PRKCG: variants seen among roughly 807,000 people sequenced by gnomAD.
The protein encoded by PRKCG is protein kinase C gamma, also known as protein kinase C gamma type.
In PRKCG, 28 loss-of-function variants were observed where a neutral mutation model predicts 82.0. The observed-to-expected ratio is 0.34, with a 90% confidence interval of 0.25 to 0.47. PRKCG has a LOEUF of 0.47. Ranked by LOEUF, PRKCG falls within the 20% of genes least tolerant of loss-of-function variation. PRKCG has a pLI of 1.00. For synonymous variants in PRKCG, 383 were observed against 376.6 expected (o/e 1.02, Z -0.20); for missense variants, 640 against 952.7 (o/e 0.67, Z 4.32).
chr19:53,887,497 CAAAAAAAAAAAAAAAAAAAAAAAA>C (rs71189894), intron 3 of PRKCG, among the ~76,000 whole-genome samples: 6 of 14,676 alleles, frequency 4.1e-4, no homozygotes, highest in Non-Finnish European at 8.2e-4. Flanking sequence ...AACTCTGTCT[CAAAAAAAAAAAAAAAAAAAAAAAA>C]AAAAAAAAAA....
chr19:53,894,819 A>C (rs1361910604), intron 9 of PRKCG, among the ~76,000 whole-genome samples: 2 of 152,212 alleles, frequency 1.3e-5, no homozygotes, highest in Non-Finnish European at 2.9e-5. Context: ...GAATCAGGCC[A>C]TTCCCTGGTG....
In PRKCG at chr19:53,900,778, G is replaced by A. The variant is rs750028733; in HGVS notation, c.1575+29G>A. 7 of 1,613,896 alleles carry A rather than the reference G, an allele frequency of 4.3e-6. No individual in the cohort carries two copies. Among genetic ancestry groups the A allele is most frequent in the East Asian group, 2.2e-5 (1 of 44,882 alleles). Reference sequence around the variant, plus strand: ...ACCCCAACCCTGCTGCTCTGGTCACGCTTTGAGATCCCTTAGAGGGTGTAG... The same window carrying A: ...ACCCCAACCCTGCTGCTCTGGTCACACTTTGAGATCCCTTAGAGGGTGTAG... On this transcript the variant is annotated intron_variant, in intron 14 of 17. Transcript: ENST00000263431. This position sits in a 1 kb window ranked among gnomAD's most constrained non-coding sequence, Gnocchi z 4.2.
At chr19:53,898,790 G>GGGTCCTTGGGGGGC (rs1555807844) in intron 11 of PRKCG, among the ~76,000 whole-genome samples, 162 bp downstream of exon 11, 2 of 116,714 alleles carry the variant, frequency 1.7e-5, no homozygotes, top group African/African-American at 3.7e-5. Flanking sequence ...GCCGGGGGGG[G>GGGTCCTTGGGGGGC]GTCCTTGGGG....
rs2068662328 is a variant in PRKCG at position 53,890,087 on chromosome 19, T to G, written c.529+70T>G. ...TGAGGCGGGGCTGACCCAAGGCACTTGTGCTGGCCCAGCCCTACCCCAAAG... is the reference window on the plus strand; with the variant it reads ...TGAGGCGGGGCTGACCCAAGGCACTGGTGCTGGCCCAGCCCTACCCCAAAG... On this transcript the variant is annotated intron_variant, in intron 5 of 17. Transcript: ENST00000263431. 21 of 1,495,168 alleles carry G rather than the reference T, an allele frequency of 1.4e-5. No homozygotes were observed. The South Asian group carries it at 2.4e-4, about 17-fold the overall frequency. The allele number at this position is 1,495,168 out of a possible 1,614,324, so 92.6% of individuals were successfully genotyped here. A position where few individuals can be genotyped will look rare whatever the true frequency, so the allele number is the denominator to read the frequency against.
rs769076186 is a variant in PRKCG at position 53,897,973 on chromosome 19, C to T, written c.954C>T (p.Gly318=). The stretch of plus-strand genomic sequence containing the variant: ...CCTTTCCACAGCGGGTGCGGATGGG[C>T]CCCTCTTCCTCTCCCATCCCCTCCC... The part of the protein sequence containing the change: ...PLELYERVRM[G]PSSSPIPSPS... Residue 318 remains glycine (G), a synonymous_variant, in exon 10 of 18, where the codon GGC becomes GGT. Transcript: ENST00000263431. 1 of 1,614,126 alleles carries T rather than the reference C, an allele frequency of 6.2e-7. No individual in the cohort carries two copies. The highest frequency in any genetic ancestry group is 1.1e-5 in the South Asian group (1 of 91,076).
chr19:53,890,272 T>C (rs1273622450), intron 5 of PRKCG, among the ~76,000 whole-genome samples: 2 of 152,272 alleles, frequency 1.3e-5, no homozygotes, highest in East Asian at 1.9e-4. Context: ...CTTTTTTTTT[T>C]TGGGACGGAG....
chr19:53,902,259 C>CA (rs2068769409), intron 14 of PRKCG, among the ~76,000 whole-genome samples: 2 of 152,014 alleles, frequency 1.3e-5, no homozygotes, highest in Admixed American at 6.6e-5. Flanking sequence ...ACTAAAAATA[C>CA]AAAAATTAGC....
chr19:53,893,930 T>A (rs1378685253), intron 9 of PRKCG, among the ~76,000 whole-genome samples: 3 of 151,690 alleles, frequency 2.0e-5, no homozygotes, highest in Non-Finnish European at 4.4e-5. Context: ...ATTTTTTTTT[T>A]ATTTTTAGTA....
At chr19:53,887,338 G>C (rs539112274) in intron 3 of PRKCG, among the ~76,000 whole-genome samples, 1 of 151,720 alleles carries the variant, frequency 6.6e-6, no homozygotes, top group African/African-American at 2.4e-5. Flanking sequence ...TGTCTACTAA[G>C]AATACAAAAT....
chr19:53,901,400 C>T (rs912598972), intron 14 of PRKCG, among the ~76,000 whole-genome samples: 5 of 151,594 alleles, frequency 3.3e-5, no homozygotes, highest in Non-Finnish European at 5.9e-5. Context: ...ACAAATTAGC[C>T]GGGCGTGGTG....
chr19:53,898,856 C>T (rs1450324568), intron 11 of PRKCG, among the ~76,000 whole-genome samples: 1 of 35,736 alleles, frequency 2.8e-5, no homozygotes, highest in African/African-American at 1.4e-4. Context: ...AGGGGCTCAA[C>T]GGAGGCGAGG....
rs372089137 is a variant in PRKCG, at chr19:53,884,132, G to A, written c.203-29G>A. On this transcript the variant is annotated intron_variant, in intron 2 of 17. Coordinates refer to ENST00000263431, the MANE Select transcript of PRKCG (RefSeq NM_002739.5). The surrounding 1 kb of genome is among the most constrained non-coding windows in gnomAD (Gnocchi z 4.6). ...TCCCGCTGGACTAATCCATGCCTCC[G>A]TCTGTGTCTCTATGATTTTCATCTA... 136 of 1,611,186 alleles carry A rather than the reference G, an allele frequency of 8.4e-5. No homozygotes were observed. The highest frequency in any genetic ancestry group is 1.6e-4 in the Middle Eastern group (1 of 6,068).
In PRKCG at chr19:53,906,895, A is replaced by G; in HGVS notation, c.2094A>G (p.Ter698=). The change falls in exon 18 of 18, where the codon TAA becomes TAG. Residue 698 remains the stop codon, a stop_retained_variant. Coordinates refer to ENST00000263431, the MANE Select transcript of PRKCG (RefSeq NM_002739.5). ...PTSPVPVPVM[*] ...GCCCAGTGCCTGTGCCCGTCATGTA[A>G]TCTCACCCGCCGCCACTAGGTGTCC... 6.2e-7 allele frequency: 1 copy of G among 1,612,670 alleles called. No individual in the cohort carries two copies. Among genetic ancestry groups the G allele is most frequent in the East Asian group, 2.2e-5 (1 of 44,808 alleles).
intron 5 of PRKCG, among the ~76,000 whole-genome samples, chr19:53,891,314 A>T (rs1263670280): frequency 5.0e-5 from 7 of 140,342 alleles, no homozygotes; most frequent in African/African-American, 1.3e-4. Flanking sequence ...TCTCGCTGTG[A>T]CGCCCAGGCT....
intron 9 of PRKCG, among the ~76,000 whole-genome samples, chr19:53,893,921 T>A (rs968164496): frequency 6.7e-6 from 1 of 149,004 alleles, no homozygotes; most frequent in East Asian, 2.0e-4. Flanking sequence ...ACCCAGCTAA[T>A]TTTTTTTTTA....
chr19:53,903,200 G>A (rs1420048253), intron 15 of PRKCG, 47 bp downstream of exon 15: 4 of 1,475,940 alleles, frequency 2.7e-6, no homozygotes, highest in South Asian at 1.1e-5. Flanking sequence ...GAGACAGAGA[G>A]GGGCACCTGG....
At chr19:53,881,743 G>A (rs560253807), upstream of PRKCG, 4 of 152,678 alleles carry the variant, frequency 2.6e-5, no homozygotes, top group East Asian at 5.8e-4. Context: ...TAGAGGGAGA[G>A]GGACAGAGGT....
intron 9 of PRKCG, among the ~76,000 whole-genome samples, chr19:53,895,487 C>CA (rs760577483): frequency 0.047 from 2,892 of 62,078 alleles, 120 homozygotes; most frequent in African/African-American, 0.099. Context: ...GACTCTGTCT[C>CA]AAAAAAAAAA....
At chr19:53,901,356 C>A (rs531472100) in intron 14 of PRKCG, among the ~76,000 whole-genome samples, 2 of 151,134 alleles carry the variant, frequency 1.3e-5, no homozygotes, top group South Asian at 4.2e-4. Flanking sequence ...CCAGCCTGGC[C>A]AACATGGTGA....
Sources: allele counts gnomAD v4.1 joint callset (sites outside exome capture counted in the v4.1 genomes callset), GRCh38; gene constraint gnomAD v4.1.1; non-coding constraint Gnocchi (gnomAD v3.1); transcripts MANE v1.5; gene names NCBI Gene and HGNC (gene_info 2026-07-23, HGNC 2026-07-21).